MINK1: variants seen among roughly 807,000 people sequenced by gnomAD.
MINK1 encodes the protein misshapen like kinase 1.
Under a neutral mutation model 178.4 loss-of-function variants are expected in MINK1, and 46 were observed. The ratio of observed to expected loss-of-function variants is 0.26; its 90% CI spans 0.20 to 0.33. MINK1 has a LOEUF of 0.33. Ranked by LOEUF, MINK1 falls within the 10% of genes least tolerant of loss-of-function variation. The pLI is 1.00. For synonymous variants in MINK1, 797 were observed against 709.7 expected (o/e 1.12, Z -1.96); for missense variants, 1,366 against 1,814.9 (o/e 0.75, Z 4.49).
At position 4,889,771 on chromosome 17, in the gene MINK1, G is replaced by T. The variant is rs762195311; in HGVS notation, c.1347+8G>T. ...CAGGCGGAGCGCGAGCAGGTAGAGC[G>T]CCGCACCCGCATCCCTGCCCTCCCG... On this transcript the variant is annotated splice_region_variant and intron_variant, in intron 13 of 31. Transcript: ENST00000355280. 1 of 1,523,080 alleles carries T rather than the reference G, an allele frequency of 6.6e-7. No homozygotes were observed. The highest frequency in any genetic ancestry group is 8.8e-7 in the Non-Finnish European group (1 of 1,137,680). The allele number at this position is 1,523,080 out of a possible 1,614,324, so 94.3% of individuals were successfully genotyped here.
chr17:4,840,214 A>C (rs1910002461), intron 1 of MINK1, among the ~76,000 whole-genome samples: 1 of 152,146 alleles, frequency 6.6e-6, no homozygotes, highest in South Asian at 2.1e-4. Flanking sequence ...GATGAGATAG[A>C]GTTGAACCAG....
At chr17:4,891,320 T>C (rs1968790232) in intron 15 of MINK1, 136 bp from the exon 16 acceptor site, 2 of 1,293,098 alleles carry the variant, frequency 1.5e-6, no homozygotes, top group Admixed American at 2.9e-5. Context: ...GACTTAGCTG[T>C]CATCAGGCTC....
intron 1 of MINK1, among the ~76,000 whole-genome samples, chr17:4,839,304 C>A (rs1263539283): frequency 6.6e-6 from 1 of 152,134 alleles, no homozygotes; most frequent in Non-Finnish European, 1.5e-5. Context: ...AAGGTTGGGA[C>A]ATTTTTGTTA....
intron 4 of MINK1, among the ~76,000 whole-genome samples, chr17:4,883,769 AC>A (rs1967943650): frequency 6.9e-6 from 1 of 145,256 alleles, no homozygotes; most frequent in Admixed American, 7.1e-5. Flanking sequence ...TGAACTCCTG[AC>A]CTTGTGATCC....
chr17:4,834,787 C>T (rs1356895685), intron 1 of MINK1: 1 of 519,962 alleles, frequency 1.9e-6, no homozygotes, highest in African/African-American at 1.9e-5. Context: ...AGGTTCGCTT[C>T]TCTGGAGGCC....
rs752117855 is a variant in MINK1 at position 4,891,701 on chromosome 17, C to A, written c.1986C>A (p.Asn662Lys). 1 of 1,602,464 alleles carries A rather than the reference C, an allele frequency of 6.2e-7. No homozygotes were observed. Among genetic ancestry groups the A allele is most frequent in the Admixed American group, 1.7e-5 (1 of 57,980 alleles). ...CCCCAGCCTGGGTCCGCCCAGATAA[C>A]GAGGCCCCACCCAAGGTAAGGACAG... ...PNPPAWVRPD[N>K]EAPPKVPQRT... Residue 662 changes from asparagine to lysine, a missense_variant, in exon 16 of 32, where the codon AAC becomes AAA. Asn to Lys is a moderately conservative substitution (Grantham distance 94, BLOSUM62 0). This residue lies in a region of MINK1 where 709 missense variants were observed against 692.3 expected (regional missense o/e 1.02). Coordinates refer to ENST00000355280, the MANE Select transcript of MINK1 (RefSeq NM_153827.5).
chr17:4,855,769 CAAAA>C (rs1226267230), intron 1 of MINK1, among the ~76,000 whole-genome samples: 1 of 50,038 alleles, frequency 2.0e-5, no homozygotes, highest in Non-Finnish European at 3.9e-5. Flanking sequence ...GACTCCGTCT[CAAAA>C]AAAAAAAAAA....
intron 1 of MINK1, chr17:4,847,069 T>G (rs966005432): frequency 6.9e-6 from 3 of 436,492 alleles, no homozygotes; most frequent in African/African-American, 6.1e-5. Flanking sequence ...TGTCCTGGCC[T>G]CATAACCTCC....
At chr17:4,844,575 G>A in intron 1 of MINK1, 1 of 512,792 alleles carries the variant, frequency 2.0e-6, no homozygotes, top group South Asian at 1.4e-5. Flanking sequence ...AGTGACCTCA[G>A]CCTGAGCTGA....
chr17:4,885,092 C>A lies in MINK1; in HGVS notation c.508+90C>A. The A allele has an allele frequency of 8.3e-7, 1 of 1,201,800 alleles. No homozygotes were observed. The highest frequency in any genetic ancestry group is 1.2e-6 in the Non-Finnish European group (1 of 830,586). The allele number at this position is 1,201,800 out of a possible 1,614,324, so 74.4% of individuals were successfully genotyped here. A position where few individuals can be genotyped will look rare whatever the true frequency, so the allele number is the denominator to read the frequency against. On this transcript the variant is annotated intron_variant, in intron 6 of 31. Transcript: ENST00000355280. This position sits in a 1 kb window ranked among gnomAD's most constrained non-coding sequence, Gnocchi z 5.0. ...CTTTTTCTCTCTGGTGGCTCAGGCC[C>A]AACTCCCTTCCTACTGGGGAGGCTC...
chr17:4,866,088 C>T (rs1914913238), intron 1 of MINK1, among the ~76,000 whole-genome samples: 1 of 152,178 alleles, frequency 6.6e-6, no homozygotes, highest in Admixed American at 6.6e-5. Context: ...CAGCCTAGCA[C>T]AGTTTCTGGT....
chr17:4,884,240 T>G (rs1967996140), intron 4 of MINK1, 123 bp from the exon 5 acceptor site: 1 of 707,732 alleles, frequency 1.4e-6, no homozygotes, highest in Non-Finnish European at 2.5e-6. Context: ...GCTCTCTAGC[T>G]CATACCAGTT....
At chr17:4,837,266 G>A (rs985945585) in intron 1 of MINK1, among the ~76,000 whole-genome samples, 2 of 152,184 alleles carry the variant, frequency 1.3e-5, no homozygotes, top group Non-Finnish European at 2.9e-5. Flanking sequence ...TATCCCCAGT[G>A]CCTGTAAGCA....
At position 4,833,732 on chromosome 17, in the gene MINK1, GC is replaced by G; in HGVS notation, c.57+97del. ...CTGCACGCCTCACGTGCTCCCGGGC[GC>G]CCCCTCCACCAGCTTGGGTCCCCTT... On this transcript the variant is annotated intron_variant, in intron 1 of 31. Coordinates refer to ENST00000355280, the MANE Select transcript of MINK1 (RefSeq NM_153827.5). The surrounding 1 kb of genome is among the most constrained non-coding windows in gnomAD (Gnocchi z 4.8). 8.9e-7 allele frequency: 1 copy of G among 1,124,076 alleles called. No individual in the cohort carries two copies. The highest frequency in any genetic ancestry group is 1.2e-6 in the Non-Finnish European group (1 of 837,366). The allele number at this position is 1,124,076 out of a possible 1,614,324, so 69.6% of individuals were successfully genotyped here. A position where few individuals can be genotyped will look rare whatever the true frequency, so the allele number is the denominator to read the frequency against.
intron 17 of MINK1, 48 bp downstream of exon 17, chr17:4,892,282 A>G: frequency 6.6e-7 from 1 of 1,523,272 alleles, no homozygotes; most frequent in East Asian, 2.5e-5. Context: ...AGGGCAGCCT[A>G]GGGAGTAGGG....
rs2151081866 is a variant in MINK1, at chr17:4,896,771, A to G, written c.3873A>G (p.Lys1291=). The G allele has an allele frequency of 6.3e-7, 1 of 1,590,456 alleles. No homozygotes were observed. Among genetic ancestry groups the G allele is most frequent in the East Asian group, 2.2e-5 (1 of 44,736 alleles). The change falls in exon 31 of 32, where the codon AAA becomes AAG. Residue 1291 remains lysine, a synonymous_variant. Coordinates refer to ENST00000355280, the MANE Select transcript of MINK1 (RefSeq NM_153827.5). The surrounding 1 kb of genome is among the most constrained non-coding windows in gnomAD (Gnocchi z 4.6). The part of the protein sequence containing the change: ...TGHLDGVFMH[K]RAQRLKFLCE... The stretch of plus-strand genomic sequence containing the variant: ...ACCTCGACGGGGTCTTCATGCACAA[A>G]CGAGCTCAGAGGCTCAAGTTCCTGT...
chr17:4,891,012 G>A lies in MINK1; in HGVS notation c.1628G>A (p.Gly543Asp). 6.4e-7 allele frequency: 1 copy of A among 1,559,678 alleles called. No homozygotes were observed. Among genetic ancestry groups the A allele is most frequent in the Non-Finnish European group, 8.7e-7 (1 of 1,151,900 alleles). Residue 543 changes from glycine (G) to aspartate (D), a missense_variant, in exon 15 of 32, where the codon GGC becomes GAC. Transcript: ENST00000355280. ...TCTCCCTTGGCCAAGAGCAAGCCAG[G>A]CAGCACGGGGCCTGAGCCCCCCATC... Reference protein sequence around the residue: ...QNSPLAKSKPGSTGPEPPIPQ... With the variant: ...QNSPLAKSKPDSTGPEPPIPQ...
intron 1 of MINK1, among the ~76,000 whole-genome samples, chr17:4,873,629 T>TG (rs1182827324): frequency 2.0e-5 from 3 of 148,724 alleles, no homozygotes; most frequent in Non-Finnish European, 4.5e-5. Context: ...TTTTTTTTTT[T>TG]TTTTTTTGAG....
In MINK1 at chr17:4,896,331, A is replaced by G; in HGVS notation, c.3604A>G (p.Ile1202Val). The change falls in exon 29 of 32, where the codon ATC becomes GTC. Residue 1202 changes from isoleucine (I) to valine (V), a missense_variant. Physicochemically the swap from Ile to Val is conservative, Grantham distance 29. Coordinates refer to ENST00000355280, the MANE Select transcript of MINK1 (RefSeq NM_153827.5). This position sits in a 1 kb window ranked among gnomAD's most constrained non-coding sequence, Gnocchi z 4.6. The part of the protein sequence containing the change: ...VDSGNSYDIY[I>V]PVHIQSQITP... ...CTCGGGGAACAGCTATGACATCTAC[A>G]TCCCTGTGCACGTGAGCTTGGCGGG... is the stretch of plus-strand genomic sequence containing the variant. 3.8e-6 allele frequency: 6 copies of G among 1,599,068 alleles called. No homozygotes were observed. Among genetic ancestry groups the G allele is most frequent in the Non-Finnish European group, 5.1e-6 (6 of 1,172,022 alleles).
Sources: gnomAD v4.1 joint callset for allele counts (sites outside exome capture counted in the v4.1 genomes callset) on GRCh38, gnomAD v4.1.1 for gene constraint, gnomAD v4.1.1 regional missense constraint, Gnocchi (gnomAD v3.1) non-coding constraint, MANE v1.5 for transcripts, NCBI Gene and HGNC (gene_info 2026-07-23, HGNC 2026-07-21) for gene names.